ZFP91: variants seen among roughly 807,000 people sequenced by gnomAD.
ZFP91 encodes the protein ZFP91 zinc finger protein, atypical E3 ubiquitin ligase.
ZFP91 carries 7 observed loss-of-function variants against 63.5 expected under a neutral mutation model. The ratio of observed to expected loss-of-function variants is 0.11; its 90% CI spans 0.06 to 0.21. ZFP91 has a LOEUF of 0.21. Ranked by LOEUF, ZFP91 falls within the 10% of genes least tolerant of loss-of-function variation. The probability of loss-of-function intolerance (pLI) is 1.00; values close to 1 mark genes in which losing one functional copy is unlikely to be tolerated. For missense variants in ZFP91, 628 were observed against 736.6 expected (o/e 0.85, Z 1.71); for synonymous variants, 330 against 272.1 (o/e 1.21, Z -2.10).
rs1157610571 is a variant in ZFP91 at position 58,611,657 on chromosome 11, A to T, written c.776A>T (p.Lys259Met). 1 of 1,613,014 alleles carries T rather than the reference A, an allele frequency of 6.2e-7. No individual in the cohort carries two copies. Among genetic ancestry groups the T allele is most frequent in the Non-Finnish European group, 8.5e-7 (1 of 1,179,434 alleles). ...KSGKVKEEKE[K>M]KEIKVEVEVE... Reference sequence around the variant, plus strand: ...GGGAAGGTAAAAGAAGAGAAGGAGAAGAAGGAAATTAAAGTGGAAGTAGAG... The same window carrying T: ...GGGAAGGTAAAAGAAGAGAAGGAGATGAAGGAAATTAAAGTGGAAGTAGAG... Residue 259 changes from lysine to methionine, a missense_variant, in exon 6 of 11, where the codon AAG (lysine) becomes ATG (methionine). Physicochemically the swap from Lys to Met is moderately conservative, Grantham distance 95. Around this residue, in one of 3 missense-constraint regions of ZFP91, gnomAD observed 437 missense variants for 380.3 expected, o/e 1.15. Transcript: ENST00000316059.
At position 58,620,367 on chromosome 11, in the gene ZFP91, C is replaced by T. The variant is rs1489001188; in HGVS notation, c.*2661C>T. ...TAATCTTAAAGTTCTACATTTCATG[C>T]TCTTAGTCAAATTCTGTTACCTTTT... On this transcript the variant is annotated 3_prime_UTR_variant, in exon 11 of 11. Coordinates refer to ENST00000316059, the MANE Select transcript of ZFP91 (RefSeq NM_053023.5). The T allele has an allele frequency of 2.0e-5, 3 of 152,194 alleles. No homozygotes were observed. The highest frequency in any genetic ancestry group is 7.2e-5 in the African/African-American group (3 of 41,436). The allele number at this position is 152,194 out of a possible 1,614,324, so 9.4% of individuals were successfully genotyped here. A position where few individuals can be genotyped will look rare whatever the true frequency, so the allele number is the denominator to read the frequency against.
At chr11:58,595,148 C>T (rs1855375353) in intron 2 of ZFP91, among the ~76,000 whole-genome samples, 1 of 152,120 alleles carries the variant, frequency 6.6e-6, no homozygotes, top group Non-Finnish European at 1.5e-5. Context: ...TTGGGAAAGT[C>T]AGTTACTTGG....
chr11:58,579,253 A>G lies in ZFP91; in HGVS notation c.-29A>G. Reference sequence around the variant, plus strand: ...GCCGCCTCCGCCTCCGCCGCCTAGGACTAGGGGGTGGGGGACGGACAAGCC... The same window carrying G: ...GCCGCCTCCGCCTCCGCCGCCTAGGGCTAGGGGGTGGGGGACGGACAAGCC... On this transcript the variant is annotated 5_prime_UTR_variant, in exon 1 of 11. Coordinates refer to ENST00000316059, the MANE Select transcript of ZFP91 (RefSeq NM_053023.5). The G allele has an allele frequency of 7.2e-7, 1 of 1,395,316 alleles. No homozygotes were observed. The highest frequency in any genetic ancestry group is 9.2e-7 in the Non-Finnish European group (1 of 1,085,446). 86.4% of individuals were successfully genotyped at this position (1,395,316 alleles called of 1,614,324 possible).
At chr11:58,611,537 A>C in intron 5 of ZFP91, 67 bp from the exon 6 acceptor site, 1 of 1,547,230 alleles carries the variant, frequency 6.5e-7, no homozygotes, top group Admixed American at 2.0e-5. Flanking sequence ...TCTAAGCTTT[A>C]ATTTGTTGTC....
In ZFP91 at chr11:58,579,556, C is replaced by T. The variant is rs200108858; in HGVS notation, c.275C>T (p.Pro92Leu). ...CCCAGCGCCAGGCCTCCCGACGTCC[C>T]CGGGCAGCAGCCCCAGGCCGCGAAG... is the stretch of plus-strand genomic sequence containing the variant. Reference protein sequence around the residue: ...SSPSARPPDVPGQQPQAAKSP... With the variant: ...SSPSARPPDVLGQQPQAAKSP... The change falls in exon 1 of 11, where the codon CCC becomes CTC. Residue 92 changes from proline to leucine, a missense_variant. Physicochemically the swap from Pro to Leu is moderately conservative, Grantham distance 98. Transcript: ENST00000316059. 2 of 1,584,204 alleles carry T rather than the reference C, an allele frequency of 1.3e-6. No individual in the cohort carries two copies. The highest frequency in any genetic ancestry group is 1.7e-6 in the Non-Finnish European group (2 of 1,168,746).
chr11:58,594,390 ATTAAG>A (rs975179982), intron 2 of ZFP91, among the ~76,000 whole-genome samples: 1 of 152,242 alleles, frequency 6.6e-6, no homozygotes, highest in African/African-American at 2.4e-5. Context: ...TATAGAGATC[ATTAAG>A]TTAATAAGCA....
intron 2 of ZFP91, among the ~76,000 whole-genome samples, chr11:58,597,291 G>A (rs1165569231): frequency 6.6e-6 from 1 of 152,152 alleles, no homozygotes; most frequent in Non-Finnish European, 1.5e-5. Context: ...AGTGGAGTTA[G>A]CCTATCCTTT....
chr11:58,579,572 G>C lies in ZFP91; in HGVS notation c.291G>C (p.Gln97His), dbSNP rs369586192. ...RPPDVPGQQP[Q>H]AAKSPSPVQG... Reference sequence around the variant, plus strand: ...CCGACGTCCCCGGGCAGCAGCCCCAGGCCGCGAAGTCCCCGTCTCCAGTTC... The same window carrying C: ...CCGACGTCCCCGGGCAGCAGCCCCACGCCGCGAAGTCCCCGTCTCCAGTTC... The change falls in exon 1 of 11, where the codon CAG (glutamine) becomes CAC (histidine). Residue 97 changes from glutamine (Q) to histidine (H), a missense_variant. By Grantham distance (24) the Gln-to-His change is conservative. This residue lies in a region of ZFP91 where 437 missense variants were observed against 380.3 expected (regional missense o/e 1.15). Coordinates refer to ENST00000316059, the MANE Select transcript of ZFP91 (RefSeq NM_053023.5). 1 of 1,584,968 alleles carries C rather than the reference G, an allele frequency of 6.3e-7. No homozygotes were observed. Among genetic ancestry groups the C allele is most frequent in the African/African-American group, 1.4e-5 (1 of 71,268 alleles).
Position 58,579,547 on chromosome 11 carries a change from C to G in ZFP91, c.266C>G (p.Pro89Arg). The change falls in exon 1 of 11, where the codon CCC becomes CGC. Residue 89 changes from proline (P) to arginine (R), a missense_variant. Transcript: ENST00000316059. ...AGGAGCAGCCCCAGCGCCAGGCCTCCCGACGTCCCCGGGCAGCAGCCCCAG... is the reference window on the plus strand; with the variant it reads ...AGGAGCAGCCCCAGCGCCAGGCCTCGCGACGTCCCCGGGCAGCAGCCCCAG... ...RRRSSPSARPPDVPGQQPQAA... is the reference protein window; with the variant it reads ...RRRSSPSARPRDVPGQQPQAA... The G allele has an allele frequency of 6.3e-7, 1 of 1,582,648 alleles. No individual in the cohort carries two copies. The highest frequency in any genetic ancestry group is 8.6e-7 in the Non-Finnish European group (1 of 1,168,332).
intron 2 of ZFP91, among the ~76,000 whole-genome samples, chr11:58,592,817 A>G (rs1016073625): frequency 6.6e-6 from 1 of 152,188 alleles, no homozygotes; most frequent in African/African-American, 2.4e-5. Flanking sequence ...ATTTGTAAAG[A>G]AAAGAGTTTT....
At chr11:58,601,924 A>ATTTTT (rs918703021) in intron 2 of ZFP91, among the ~76,000 whole-genome samples, 1 of 150,082 alleles carries the variant, frequency 6.7e-6, no homozygotes, top group African/African-American at 2.4e-5. Flanking sequence ...ATGTCTGTGA[A>ATTTTT]TTTTTTTTTT....
intron 2 of ZFP91, among the ~76,000 whole-genome samples, chr11:58,585,686 T>G (rs1205936539): frequency 1.3e-5 from 2 of 152,220 alleles, no homozygotes; most frequent in East Asian, 3.8e-4. Context: ...AGCCTGCTAC[T>G]ATTTCTATAA....
chr11:58,616,307 C>A (rs545333475), intron 9 of ZFP91, among the ~76,000 whole-genome samples: 15 of 151,920 alleles, frequency 9.9e-5, no homozygotes, highest in Non-Finnish European at 1.5e-4. Context: ...GTTTGAATGC[C>A]AGATTCTTTC....
intron 2 of ZFP91, among the ~76,000 whole-genome samples, chr11:58,588,544 A>G (rs1338474157): frequency 6.6e-6 from 1 of 152,186 alleles, no homozygotes; most frequent in African/African-American, 2.4e-5. Context: ...TGTTATTAAC[A>G]GTTTTCATAG....
At chr11:58,610,225 A>G (rs902083164) in intron 3 of ZFP91, 73 bp from the exon 4 acceptor site, 35 of 1,523,622 alleles carry the variant, frequency 2.3e-5, no homozygotes, top group Non-Finnish European at 2.9e-5. Flanking sequence ...TTTGATTTGC[A>G]TTTCTTGACT....
At chr11:58,591,710 ATAGGAAGCATTATGCAATGTATG>A (rs1210952250) in intron 2 of ZFP91, among the ~76,000 whole-genome samples, 1 of 152,138 alleles carries the variant, frequency 6.6e-6, no homozygotes, top group African/African-American at 2.4e-5. Context: ...GTGTTTGTAT[ATAGGAAGCATTATGCAATGTATG>A]TAGGAAGCAT....
At chr11:58,590,551 C>G (rs1247258300) in intron 2 of ZFP91, among the ~76,000 whole-genome samples, 3 of 151,968 alleles carry the variant, frequency 2.0e-5, no homozygotes, top group Non-Finnish European at 4.4e-5. Flanking sequence ...ATATCAGCAA[C>G]AAAAAATAGA....
chr11:58,579,653 G>C, intron 1 of ZFP91, 31 bp downstream of exon 1: 1 of 1,520,442 alleles, frequency 6.6e-7, no homozygotes, highest in Non-Finnish European at 8.8e-7. Context: ...CGGTGGGAAA[G>C]ACCCCCCTCT....
chr11:58,610,159 A>G (rs1431826928), intron 3 of ZFP91, 120 bp downstream of exon 3: 3 of 1,414,400 alleles, frequency 2.1e-6, no homozygotes, highest in East Asian at 4.7e-5. Context: ...TGTAGGTGGT[A>G]TTTCTTTGAA....
Sources: allele counts gnomAD v4.1 joint callset (sites outside exome capture counted in the v4.1 genomes callset), GRCh38; gene constraint gnomAD v4.1.1; regional missense constraint gnomAD v4.1.1; transcripts MANE v1.5; gene names NCBI Gene and HGNC (gene_info 2026-07-23, HGNC 2026-07-21).